FMN2: variants seen among roughly 807,000 people sequenced by gnomAD.
FMN2 encodes formin-2.
Under a neutral mutation model 142.3 loss-of-function variants are expected in FMN2, and 51 were observed. The ratio of observed to expected loss-of-function variants is 0.36; its 90% CI spans 0.29 to 0.45. FMN2 has a LOEUF of 0.45. FMN2 is among the 20% of genes least tolerant of loss of function. The pLI, the probability that FMN2 is intolerant of heterozygous loss-of-function variation, is 1.00. For missense variants in FMN2, 1,936 were observed against 2,122.8 expected, an observed-to-expected ratio of 0.91 and a Z score of 1.73; for synonymous variants, 882 against 869.8, an observed-to-expected ratio of 1.01 and a Z score of -0.25.
intron 15 of FMN2, among the ~76,000 whole-genome samples, chr1:240,411,062 C>T (rs537123068): frequency 1.4e-4 from 8 of 56,074 alleles, no homozygotes; most frequent in African/African-American, 4.4e-4. Context: ...TTCTTAGTCC[C>T]CATCCTACTT....
chr1:240,313,071 C>T (rs1670648102), intron 8 of FMN2, among the ~76,000 whole-genome samples: 1 of 152,204 alleles, frequency 6.6e-6, no homozygotes, highest in African/African-American at 2.4e-5. Flanking sequence ...TTTGCTATGT[C>T]ACTTCCTATT....
intron 16 of FMN2, among the ~76,000 whole-genome samples, chr1:240,468,149 C>A (rs1210897309): frequency 6.6e-5 from 10 of 151,810 alleles, no homozygotes; most frequent in Admixed American, 6.6e-4. Flanking sequence ...AATCTTGATT[C>A]ACAAATGCCC....
At chr1:240,354,274 T>G (rs1672194055) in intron 13 of FMN2, among the ~76,000 whole-genome samples, 1 of 151,892 alleles carries the variant, frequency 6.6e-6, no homozygotes, top group Admixed American at 6.6e-5. Flanking sequence ...AGAACAGGAA[T>G]GGAGAGGATA....
chr1:240,129,609 T>G (rs1315049270), intron 2 of FMN2, among the ~76,000 whole-genome samples: 8 of 151,630 alleles, frequency 5.3e-5, no homozygotes, highest in Admixed American at 5.3e-4. Flanking sequence ...TTCATGCGAT[T>G]CTCCTGCCTC....
chr1:240,116,985 T>C (rs1195803640), intron 1 of FMN2, among the ~76,000 whole-genome samples: 1 of 151,998 alleles, frequency 6.6e-6, no homozygotes, highest in Non-Finnish European at 1.5e-5. Flanking sequence ...TTCGGTTTTT[T>C]TTTTAAAGCA....
chr1:240,233,484 T>C (rs912543023), intron 6 of FMN2, among the ~76,000 whole-genome samples: 4 of 152,182 alleles, frequency 2.6e-5, no homozygotes, highest in Non-Finnish European at 5.9e-5. Flanking sequence ...AAGACTATTC[T>C]ACTGAGTTTT....
intron 6 of FMN2, among the ~76,000 whole-genome samples, chr1:240,233,645 A>G (rs1667602683): frequency 6.6e-6 from 1 of 152,208 alleles, no homozygotes; most frequent in Admixed American, 6.5e-5. Context: ...GGACCACCTC[A>G]TTAATTAATT....
At position 240,177,943 on chromosome 1, in the gene FMN2, C is replaced by T; in HGVS notation, c.1805C>T (p.Ala602Val). The stretch of plus-strand genomic sequence containing the variant: ...TAGCAAGATCAACTTTATACCTGGG[C>T]TGCAGTTAGTCAACCCACACACTCA... ...SFDQDQLYTW[A>V]AVSQPTHSLD... Residue 602 changes from alanine to valine, a missense_variant, in exon 3 of 18, where the codon GCT (alanine) becomes GTT (valine). Physicochemically the swap from Ala to Val is moderately conservative, Grantham distance 64. Coordinates refer to ENST00000319653, the MANE Select transcript of FMN2 (RefSeq NM_020066.5). 1 of 1,589,336 alleles carries T rather than the reference C, an allele frequency of 6.3e-7. No homozygotes were observed. Among genetic ancestry groups the T allele is most frequent in the Non-Finnish European group, 8.5e-7 (1 of 1,172,008 alleles).
intron 13 of FMN2, among the ~76,000 whole-genome samples, chr1:240,348,332 G>A (rs1015149400): frequency 4.7e-5 from 7 of 150,510 alleles, no homozygotes; most frequent in African/African-American, 1.2e-4. Flanking sequence ...AGTGATTCTC[G>A]TGACTCAGCC....
At chr1:240,255,448 G>C (rs946235642) in intron 6 of FMN2, among the ~76,000 whole-genome samples, 1 of 152,148 alleles carries the variant, frequency 6.6e-6, no homozygotes, top group African/African-American at 2.4e-5. Context: ...CTGGACTAGA[G>C]TTTGGGAGAT....
intron 13 of FMN2, among the ~76,000 whole-genome samples, chr1:240,347,512 G>A (rs930344884): frequency 2.6e-5 from 4 of 152,110 alleles, no homozygotes; most frequent in South Asian, 4.1e-4. Context: ...GAGCCTTGTC[G>A]TGGAGATTAC....
At chr1:240,098,304 G>A (rs1010021154) in intron 1 of FMN2, among the ~76,000 whole-genome samples, 1 of 151,924 alleles carries the variant, frequency 6.6e-6, no homozygotes, top group African/African-American at 2.4e-5. Flanking sequence ...ATTTCACCAT[G>A]TAGGCCAGGC....
At chr1:240,339,363 C>A (rs1475841501) in intron 13 of FMN2, among the ~76,000 whole-genome samples, 4 of 151,566 alleles carry the variant, frequency 2.6e-5, no homozygotes, top group Non-Finnish European at 5.9e-5. Flanking sequence ...TCTTACTGTG[C>A]CTAGTTTATA....
chr1:240,449,394 A>C (rs200793867), intron 16 of FMN2, among the ~76,000 whole-genome samples: 2 of 152,170 alleles, frequency 1.3e-5, no homozygotes, highest in East Asian at 3.9e-4. Flanking sequence ...GGTTGGCCTT[A>C]GAAACTTGAA....
chr1:240,454,667 T>C (rs1676179123), intron 16 of FMN2, among the ~76,000 whole-genome samples: 1 of 152,188 alleles, frequency 6.6e-6, no homozygotes. Flanking sequence ...TTTACACATC[T>C]TGTTCTTCTT....
chr1:240,438,027 G>A, intron 15 of FMN2, 34 bp from the exon 16 acceptor site: 2 of 1,594,192 alleles, frequency 1.3e-6, no homozygotes, highest in Non-Finnish European at 1.7e-6. Flanking sequence ...AGTAATCATG[G>A]CTTTTATGCT....
chr1:240,143,721 A>C, intron 2 of FMN2: 2 of 1,563,404 alleles, frequency 1.3e-6, no homozygotes, highest in Admixed American at 3.3e-5. Flanking sequence ...GCCAACGAGC[A>C]TAAGAGTCCT....
intron 6 of FMN2, among the ~76,000 whole-genome samples, chr1:240,252,475 T>G (rs1012440342): frequency 1.3e-5 from 2 of 152,058 alleles, no homozygotes; most frequent in Admixed American, 1.3e-4. Context: ...AACTTTTGCT[T>G]GTCTAGGAAA....
intron 15 of FMN2, among the ~76,000 whole-genome samples, chr1:240,428,011 TAG>T (rs1311482233): frequency 2.0e-5 from 3 of 152,208 alleles, no homozygotes; most frequent in South Asian, 2.1e-4. Flanking sequence ...TTATTTGGCA[TAG>T]AGTTATTCAA....
Sources: gnomAD v4.1 joint callset for allele counts (sites outside exome capture counted in the v4.1 genomes callset) on GRCh38, gnomAD v4.1.1 for gene constraint, MANE v1.5 for transcripts, NCBI Gene and HGNC (gene_info 2026-07-23, HGNC 2026-07-21) for gene names.